The following LRP1B variants were observed in gnomAD, a reference collection of about 807,000 sequenced individuals.
LRP1B encodes low-density lipoprotein receptor-related protein 1B.
LRP1B carries 217 observed loss-of-function variants against 556.6 expected under a neutral mutation model. The observed-to-expected ratio is 0.39, with a 90% CI of 0.35 to 0.44. The LOEUF (loss-of-function observed/expected upper bound fraction) is 0.44, where lower values mean the gene tolerates loss of function less well. Ranked by LOEUF, LRP1B falls within the 20% of genes least tolerant of loss-of-function variation. LRP1B has a pLI of 1.00. For missense variants in LRP1B, 5,053 were observed against 5,620.8 expected, an observed-to-expected ratio of 0.90 and a Z score of 3.23; for synonymous variants, 2,047 against 1,865.8, an observed-to-expected ratio of 1.10 and a Z score of -2.50.
At chr2:141,331,795 G>C (rs184251747) in intron 3 of LRP1B, among the ~76,000 whole-genome samples, 2 of 152,042 alleles carry the variant, frequency 1.3e-5, no homozygotes, top group Non-Finnish European at 2.9e-5. Flanking sequence ...CAAATTGTCT[G>C]TTAAGATTGA....
At chr2:141,757,875 G>A (rs1694379431) in intron 2 of LRP1B, among the ~76,000 whole-genome samples, 1 of 117,182 alleles carries the variant, frequency 8.5e-6, no homozygotes, top group Non-Finnish European at 1.9e-5. Context: ...TTCCTAAACA[G>A]AGCCCCATAG....
At chr2:140,546,810 G>A (rs6430915) in intron 43 of LRP1B, among the ~76,000 whole-genome samples, 64,698 of 151,918 alleles carry the variant, frequency 0.43, 14,603 homozygotes, top group East Asian at 0.58. Flanking sequence ...TGTCATAGAT[G>A]GTTCTTATTA....
At chr2:142,040,057 G>T (rs1483701963) in intron 1 of LRP1B, among the ~76,000 whole-genome samples, 9 of 151,540 alleles carry the variant, frequency 5.9e-5, no homozygotes, top group Non-Finnish European at 7.4e-5. Context: ...TTGATATAGT[G>T]TGTCTTCCCA....
At chr2:140,291,316 A>ATTT (rs946522615) in intron 84 of LRP1B, among the ~76,000 whole-genome samples, 24 of 68,750 alleles carry the variant, frequency 3.5e-4, no homozygotes, top group African/African-American at 1.1e-3. Context: ...ATATATATAT[A>ATTT]TATTTTTATT....
chr2:141,799,952 A>C (rs1574374220), intron 2 of LRP1B, among the ~76,000 whole-genome samples: 1 of 152,140 alleles, frequency 6.6e-6, no homozygotes, highest in Non-Finnish European at 1.5e-5. Context: ...TTATACATTT[A>C]TTACCACAGT....
intron 1 of LRP1B, among the ~76,000 whole-genome samples, chr2:141,972,620 C>T (rs1701775563): frequency 6.6e-6 from 1 of 150,590 alleles, no homozygotes; most frequent in Non-Finnish European, 1.5e-5. Flanking sequence ...ATTAACCACA[C>T]CTGTGAAATA....
chr2:140,867,657 A>T lies in LRP1B; in HGVS notation c.4512T>A (p.Ser1504Arg), dbSNP rs1251149038. ...GCTGTGCACTGGTTTTCTGAATCAC[A>T]CTGACATTCTGCCCTGTCCACTTAT... ...KANKWTGQNV[S>R]VIQKTSAQPF... Residue 1504 changes from serine to arginine, a missense_variant, in exon 27 of 91, where the codon AGT becomes AGA. Physicochemically the swap from Ser to Arg is moderately radical, Grantham distance 110 (BLOSUM62 -1). This residue lies in a region of LRP1B where 3,619 missense variants were observed against 3,931.9 expected (regional missense o/e 0.92). Transcript: ENST00000389484. The T allele has an allele frequency of 6.2e-7, 1 of 1,613,598 alleles. No homozygotes were observed. Among genetic ancestry groups the T allele is most frequent in the Non-Finnish European group, 8.5e-7 (1 of 1,179,648 alleles).
chr2:140,653,312 A>G (rs1684755278), intron 41 of LRP1B, among the ~76,000 whole-genome samples: 1 of 152,158 alleles, frequency 6.6e-6, no homozygotes, highest in Non-Finnish European at 1.5e-5. Flanking sequence ...ACTCCCTTGA[A>G]TATTTCAGGA....
At chr2:140,737,238 G>C (rs532484199) in intron 35 of LRP1B, among the ~76,000 whole-genome samples, 1 of 152,192 alleles carries the variant, frequency 6.6e-6, no homozygotes, top group South Asian at 2.1e-4. Context: ...TAATTGTGTT[G>C]ATCCTCCTAG....
intron 58 of LRP1B, among the ~76,000 whole-genome samples, chr2:140,486,552 G>A (rs779829294): frequency 9.2e-5 from 14 of 151,744 alleles, no homozygotes; most frequent in African/African-American, 3.1e-4. Flanking sequence ...GTAGTGGCAA[G>A]GCAGTAGAGA....
intron 2 of LRP1B, among the ~76,000 whole-genome samples, chr2:141,575,664 A>T (rs993535762): frequency 6.6e-6 from 1 of 152,152 alleles, no homozygotes; most frequent in African/African-American, 2.4e-5. Context: ...GTGAACAGAC[A>T]ATCTACAGAA....
chr2:141,793,691 C>T (rs958981396), intron 2 of LRP1B, among the ~76,000 whole-genome samples: 2 of 151,716 alleles, frequency 1.3e-5, no homozygotes, highest in Non-Finnish European at 2.9e-5. Context: ...TAAAATATCG[C>T]TATTGATATT....
chr2:140,737,164 C>G (rs565512894), intron 35 of LRP1B, among the ~76,000 whole-genome samples: 1 of 152,188 alleles, frequency 6.6e-6, no homozygotes, highest in South Asian at 2.1e-4. Flanking sequence ...GTTCCAGAAC[C>G]CAGCAAATGA....
chr2:140,263,294 C>T (rs530679273), intron 86 of LRP1B, among the ~76,000 whole-genome samples: 3 of 152,186 alleles, frequency 2.0e-5, no homozygotes, highest in Admixed American at 6.5e-5. Flanking sequence ...ATCAAAAATC[C>T]AGCAGTCTTC....
intron 72 of LRP1B, among the ~76,000 whole-genome samples, chr2:140,362,583 T>C (rs1030782109): frequency 1.3e-4 from 19 of 151,676 alleles, no homozygotes; most frequent in Non-Finnish European, 5.9e-5. Context: ...TCTGGGAACA[T>C]GGATCCTTCA....
intron 86 of LRP1B, among the ~76,000 whole-genome samples, chr2:140,247,908 G>A (rs1466784686): frequency 6.6e-6 from 1 of 151,608 alleles, no homozygotes. Context: ...AAGGTCTATT[G>A]GCTAACATAA....
intron 86 of LRP1B, among the ~76,000 whole-genome samples, chr2:140,257,854 T>C (rs550263674): frequency 1.3e-5 from 2 of 152,292 alleles, no homozygotes; most frequent in Non-Finnish European, 2.9e-5. Context: ...AAATCACTCA[T>C]GACAACTTCC....
intron 3 of LRP1B, among the ~76,000 whole-genome samples, chr2:141,331,051 T>C (rs1687625877): frequency 6.6e-6 from 1 of 152,088 alleles, no homozygotes; most frequent in African/African-American, 2.4e-5. Flanking sequence ...ACAAACCCTA[T>C]AGTAAGTTCA....
At chr2:141,405,843 A>G (rs1690613029) in intron 3 of LRP1B, among the ~76,000 whole-genome samples, 1 of 152,128 alleles carries the variant, frequency 6.6e-6, no homozygotes, top group African/African-American at 2.4e-5. Context: ...ACAACATGAT[A>G]GTAAAACATA....
Sources: allele counts gnomAD v4.1 joint callset (sites outside exome capture counted in the v4.1 genomes callset), GRCh38; gene constraint gnomAD v4.1.1; regional missense constraint gnomAD v4.1.1; transcripts MANE v1.5; gene names NCBI Gene and HGNC (gene_info 2026-07-23, HGNC 2026-07-21).